The following GPC5 variants were observed in gnomAD, a reference collection of about 807,000 sequenced individuals.
The protein encoded by GPC5 is glypican 5.
GPC5 carries 47 observed loss-of-function variants against 53.9 expected under a neutral mutation model. The observed-to-expected ratio is 0.87, with a 90% confidence interval of 0.69 to 1.11. The LOEUF (loss-of-function observed/expected upper bound fraction) is 1.11. Ranked by LOEUF, GPC5 falls within the 50% of genes most tolerant of loss-of-function variation. The pLI is 0.00. For synonymous variants in GPC5, 286 were observed against 263.3 expected (o/e 1.09, Z -0.84); for missense variants, 748 against 713.1 (o/e 1.05, Z -0.56).
chr13:92,673,697 T>C (rs1886833870), intron 7 of GPC5, among the ~76,000 whole-genome samples: 1 of 152,214 alleles, frequency 6.6e-6, no homozygotes, highest in African/African-American at 2.4e-5. Flanking sequence ...CATTCCACAG[T>C]AGATAAAATA....
chr13:91,769,713 G>C (rs2037587881), intron 5 of GPC5, among the ~76,000 whole-genome samples: 1 of 152,124 alleles, frequency 6.6e-6, no homozygotes, highest in Non-Finnish European at 1.5e-5. Flanking sequence ...GAAGAAGCTT[G>C]GATTTTATTC....
intron 2 of GPC5, among the ~76,000 whole-genome samples, chr13:91,642,796 G>A (rs2034463263): frequency 6.6e-6 from 1 of 151,334 alleles, no homozygotes; most frequent in Admixed American, 6.6e-5. Flanking sequence ...ACTATTGATT[G>A]GAGAGAAAAG....
At chr13:91,589,617 C>T (rs1372800243) in intron 2 of GPC5, among the ~76,000 whole-genome samples, 1 of 152,064 alleles carries the variant, frequency 6.6e-6, no homozygotes, top group African/African-American at 2.4e-5. Flanking sequence ...CCCCAATGAG[C>T]AAAAAGTTAC....
At chr13:92,400,055 G>A (rs1428841407) in intron 7 of GPC5, among the ~76,000 whole-genome samples, 2 of 152,136 alleles carry the variant, frequency 1.3e-5, no homozygotes, top group Non-Finnish European at 2.9e-5. Flanking sequence ...GAGATGCCAT[G>A]GCTTGCTATT....
intron 7 of GPC5, among the ~76,000 whole-genome samples, chr13:92,764,171 G>C (rs1220374772): frequency 6.6e-6 from 1 of 152,224 alleles, no homozygotes. Flanking sequence ...ATGGACAAAT[G>C]CAACAGTTAC....
At chr13:92,746,027 G>T (rs1401698277) in intron 7 of GPC5, among the ~76,000 whole-genome samples, 1 of 151,982 alleles carries the variant, frequency 6.6e-6, no homozygotes, top group Admixed American at 6.6e-5. Context: ...TAATCAATTA[G>T]CTATATCTAA....
chr13:92,735,944 T>C (rs1035645470), intron 7 of GPC5, among the ~76,000 whole-genome samples: 3 of 152,040 alleles, frequency 2.0e-5, no homozygotes, highest in African/African-American at 4.8e-5. Flanking sequence ...AAATTGATAA[T>C]AGATATACAT....
At chr13:92,309,031 T>A (rs1027204072) in intron 7 of GPC5, among the ~76,000 whole-genome samples, 1 of 152,076 alleles carries the variant, frequency 6.6e-6, no homozygotes, top group African/African-American at 2.4e-5. Context: ...AGCACATTCA[T>A]AAAATGAAAA....
At chr13:92,067,926 T>A (rs2041179916) in intron 6 of GPC5, among the ~76,000 whole-genome samples, 1 of 152,020 alleles carries the variant, frequency 6.6e-6, no homozygotes, top group African/African-American at 2.4e-5. Flanking sequence ...TTTAATTTTC[T>A]ACTTTTTACA....
At chr13:92,184,354 A>C (rs879326663) in intron 7 of GPC5, among the ~76,000 whole-genome samples, 1 of 152,172 alleles carries the variant, frequency 6.6e-6, no homozygotes, top group African/African-American at 2.4e-5. Flanking sequence ...CACACAAAAA[A>C]ATTTATTTCT....
At chr13:92,392,300 G>A (rs1875042761) in intron 7 of GPC5, among the ~76,000 whole-genome samples, 1 of 152,120 alleles carries the variant, frequency 6.6e-6, no homozygotes, top group Non-Finnish European at 1.5e-5. Context: ...AAGCAATGGG[G>A]AAAAGGCTCC....
intron 4 of GPC5, among the ~76,000 whole-genome samples, chr13:91,731,420 T>C (rs140893537): frequency 2.0e-5 from 3 of 152,344 alleles, no homozygotes; most frequent in East Asian, 1.9e-4. Flanking sequence ...AGGGATATGA[T>C]ACATTTTTGT....
In GPC5 at chr13:92,511,719, A is replaced by G. The variant is rs566115782; in HGVS notation, c.1562-354563A>G. 3.7e-4 allele frequency among the ~76,000 whole-genome samples: 56 copies of G among 152,270 alleles called. 1 individual carries two copies. Among genetic ancestry groups the G allele is most frequent in the Middle Eastern group, 3.4e-3 (1 of 294 alleles). ...TCTCTTATAAAGTCATTTTGTTGCC[A>G]GAGCTATAATTTTCTCCTTCTTCTG... On this transcript the variant is annotated intron_variant, in intron 7 of 7. Coordinates refer to ENST00000377067, the MANE Select transcript of GPC5 (RefSeq NM_004466.6).
chr13:92,144,839 G>T lies in GPC5; in HGVS notation c.1411G>T (p.Gly471Cys), dbSNP rs955839843. 19 of 1,610,196 alleles carry T rather than the reference G, an allele frequency of 1.2e-5. No individual in the cohort carries two copies. Among genetic ancestry groups the T allele is most frequent in the Non-Finnish European group, 1.4e-5 (17 of 1,178,252 alleles). Residue 471 changes from glycine to cysteine, a missense_variant, in exon 7 of 8, where the codon GGT (glycine) becomes TGT (cysteine). Transcript: ENST00000377067. ...CTTTATGTACAATTAGTTGTTACAGGGTAGATCACCCAAACCTGACAAGTG... is the reference window on the plus strand; with the variant it reads ...CTTTATGTACAATTAGTTGTTACAGTGTAGATCACCCAAACCTGACAAGTG... ...KLKHVVQLLQGRSPKPDKWEL... is the reference protein window; with the variant it reads ...KLKHVVQLLQCRSPKPDKWEL...
intron 7 of GPC5, among the ~76,000 whole-genome samples, chr13:92,694,612 C>T (rs998507787): frequency 3.0e-4 from 45 of 152,304 alleles, no homozygotes; most frequent in Middle Eastern, 3.4e-3. Context: ...AATATTTACC[C>T]GGTGCCTGTA....
intron 2 of GPC5, among the ~76,000 whole-genome samples, chr13:91,525,165 A>G (rs1886026474): frequency 6.6e-6 from 1 of 152,234 alleles, no homozygotes; most frequent in East Asian, 1.9e-4. Flanking sequence ...TCACTTGGAA[A>G]TAGAAAGTCC....
chr13:92,627,033 A>C (rs993481899), intron 7 of GPC5, among the ~76,000 whole-genome samples: 1 of 152,196 alleles, frequency 6.6e-6, no homozygotes, highest in Non-Finnish European at 1.5e-5. Flanking sequence ...AATAAATATT[A>C]TTTAAAAATT....
chr13:91,419,609 A>C (rs1878465632), intron 1 of GPC5, among the ~76,000 whole-genome samples: 1 of 152,226 alleles, frequency 6.6e-6, no homozygotes, highest in Admixed American at 6.5e-5. Flanking sequence ...TCTTTAACTG[A>C]GAGAAGACTC....
intron 5 of GPC5, among the ~76,000 whole-genome samples, chr13:91,806,021 ATTTTTTTTTTT>A (rs71113764): frequency 4.1e-5 from 2 of 48,558 alleles, no homozygotes; most frequent in African/African-American, 8.7e-5. Flanking sequence ...AAATACAATA[ATTTTTTTTTTT>A]TTTTTTTTTT....
Sources: gnomAD v4.1 joint callset for allele counts (sites outside exome capture counted in the v4.1 genomes callset) on GRCh38, gnomAD v4.1.1 for gene constraint, MANE v1.5 for transcripts, NCBI Gene and HGNC (gene_info 2026-07-23, HGNC 2026-07-21) for gene names.